Variants in CLVS1 observed in about 807,000 individuals in gnomAD.
CLVS1 encodes the protein clavesin 1, also known as clavesin-1.
In CLVS1, 10 loss-of-function variants were observed where a neutral mutation model predicts 33.1. The ratio of observed to expected loss-of-function variants is 0.30; its 90% confidence interval spans 0.19 to 0.51. The LOEUF (loss-of-function observed/expected upper bound fraction) is 0.51. Ranked by LOEUF, CLVS1 falls within the 20% of genes least tolerant of loss-of-function variation. CLVS1 has a pLI of 0.97. For missense variants in CLVS1, 343 were observed against 433.4 expected, an observed-to-expected ratio of 0.79 and a Z score of 1.85; for synonymous variants, 163 against 166.1, an observed-to-expected ratio of 0.98 and a Z score of 0.14.
rs370414179 is a variant in CLVS1, at chr8:61,458,259, G to A, written c.742-48G>A. ...TGTGTATTAGATGAAATCTTTGGTC[G>A]TATGTTTTGGATTTTGTATTGCTAA... On this transcript the variant is annotated intron_variant, in intron 4 of 5. Transcript: ENST00000325897. The A allele has an allele frequency of 2.3e-5, 31 of 1,354,368 alleles. No individual in the cohort carries two copies. In the African/African-American group the frequency reaches 2.9e-4, roughly 13 times the overall value. The allele number at this position is 1,354,368 out of a possible 1,614,324, so 83.9% of individuals were successfully genotyped here.
chr8:61,118,360 G>A lies in CLVS1; in HGVS notation c.-242-13410G>A, dbSNP rs1382245546. Among the ~76,000 whole-genome samples the A allele has an allele frequency of 6.6e-5, 10 of 151,564 alleles. No homozygotes were observed. The Middle Eastern group carries it at 0.01, about 155-fold the overall frequency. On this transcript the variant is annotated intron_variant, in intron 1 of 2. Coordinates refer to the CLVS1 transcript ENST00000522621. ...ATTAATTTTTTGAAGGGTTTTTTGT[G>A]TCTCTATTTCCTTCAGTTCTGCTCT... is the stretch of plus-strand genomic sequence containing the variant.
At chr8:61,275,870 C>A (rs556669530) in intron 2 of CLVS1, among the ~76,000 whole-genome samples, 3 of 152,076 alleles carry the variant, frequency 2.0e-5, no homozygotes, top group African/African-American at 7.2e-5. Context: ...CTCTCTTAGC[C>A]GTCATGTTGC....
chr8:61,108,434 T>A (rs1246049308), intron 1 of CLVS1, among the ~76,000 whole-genome samples: 1 of 152,210 alleles, frequency 6.6e-6, no homozygotes, highest in Non-Finnish European at 1.5e-5. Context: ...AAGCTCTAAA[T>A]GGCTCCATAG....
intron 3 of CLVS1, among the ~76,000 whole-genome samples, chr8:61,381,776 T>G (rs1813890254): frequency 6.6e-6 from 1 of 152,202 alleles, no homozygotes; most frequent in Non-Finnish European, 1.5e-5. Flanking sequence ...ATTTCATTCT[T>G]TTTTTACAGC....
chr8:61,475,482 G>T (rs183762419), intron 5 of CLVS1, among the ~76,000 whole-genome samples: 2,786 of 152,170 alleles, frequency 0.018, 76 homozygotes, highest in African/African-American at 0.063. Context: ...TTTAATGATC[G>T]CCATTCTAAC....
At chr8:61,005,005 TA>T in the CLVS1 span, among the ~76,000 whole-genome samples, 2 of 152,194 alleles carry the variant, frequency 1.3e-5, no homozygotes, top group South Asian at 4.1e-4. Context: ...ATCCACCTGG[TA>T]ATTAATGAAA....
chr8:61,388,734 A>ATATCAG (rs1261484369), intron 3 of CLVS1, among the ~76,000 whole-genome samples: 1 of 152,176 alleles, frequency 6.6e-6, no homozygotes, highest in African/African-American at 2.4e-5. Context: ...GCTAATTAGC[A>ATATCAG]TATCAGTATC....
At chr8:60,995,824 A>G in the CLVS1 span, among the ~76,000 whole-genome samples, 19 of 152,252 alleles carry the variant, frequency 1.2e-4, no homozygotes, top group Admixed American at 8.5e-4. Context: ...ATGGAATACT[A>G]TGAAGCCATA....
chr8:61,237,423 A>C (rs1808592315), intron 2 of CLVS1, among the ~76,000 whole-genome samples: 1 of 152,188 alleles, frequency 6.6e-6, no homozygotes, highest in South Asian at 2.1e-4. Context: ...ACCCCAGCCA[A>C]GGTGATAGAG....
At chr8:61,490,459 G>T (rs920017943) in intron 5 of CLVS1, among the ~76,000 whole-genome samples, 1 of 151,224 alleles carries the variant, frequency 6.6e-6, no homozygotes, top group Non-Finnish European at 1.5e-5. Flanking sequence ...ACCAGGTCAA[G>T]AGATTGAGAC....
chr8:61,088,787 T>TATTTC (rs1269537733), intron 1 of CLVS1, among the ~76,000 whole-genome samples: 32 of 151,828 alleles, frequency 2.1e-4, no homozygotes, highest in Non-Finnish European at 1.3e-4. Context: ...CAAGCTTTTT[T>TATTTC]TTTTCTTTTC....
chr8:61,449,495 G>A (rs1816877236), intron 3 of CLVS1, among the ~76,000 whole-genome samples: 1 of 152,156 alleles, frequency 6.6e-6, no homozygotes, highest in South Asian at 2.1e-4. Flanking sequence ...GCCTTGCTAG[G>A]GTGAAGATCA....
At position 61,275,547 on chromosome 8, in the gene CLVS1, T is replaced by C. The variant is rs573072884; in HGVS notation, c.-151-24130T>C. ...TCGTTAATATAACACTTCATATATT[T>C]GTGAAACAACAAAAGTATGTTGGAA... is the stretch of plus-strand genomic sequence containing the variant. On this transcript the variant is annotated intron_variant, in intron 2 of 2. Transcript: ENST00000522621. Among the ~76,000 whole-genome samples the C allele has an allele frequency of 4.6e-5, 7 of 152,286 alleles. No individual in the cohort carries two copies. In the South Asian group the frequency reaches 1.4e-3, roughly 32 times the overall value.
intron 1 of CLVS1, among the ~76,000 whole-genome samples, chr8:61,078,078 C>T (rs1183763802): frequency 6.6e-6 from 1 of 152,128 alleles, no homozygotes; most frequent in South Asian, 2.1e-4. Flanking sequence ...AAACAGAGCC[C>T]CAGTGCAGGC....
chr8:61,338,389 C>G (rs1811882814), intron 2 of CLVS1, among the ~76,000 whole-genome samples: 1 of 152,126 alleles, frequency 6.6e-6, no homozygotes, highest in Non-Finnish European at 1.5e-5. Context: ...CCACAGTTAC[C>G]TGAAAACCTC....
chr8:61,324,160 G>A (rs966610835), intron 2 of CLVS1, among the ~76,000 whole-genome samples: 13 of 152,144 alleles, frequency 8.5e-5, no homozygotes, highest in African/African-American at 3.1e-4. Context: ...TATTAATGTG[G>A]TTTGGCACTG....
rs537235311 is a variant in CLVS1, at chr8:61,368,228, C to T, written c.456-8377C>T. 2.4e-4 allele frequency among the ~76,000 whole-genome samples: 36 copies of T among 152,222 alleles called. No individual in the cohort carries two copies. In the South Asian group the frequency reaches 2.7e-3, roughly 11 times the overall value. On this transcript the variant is annotated intron_variant, in intron 2 of 5. Coordinates refer to ENST00000325897, the MANE Select transcript of CLVS1 (RefSeq NM_173519.3). Reference sequence around the variant, plus strand: ...CACAGTGATACATACTCTATTTCTCCGCAGAAACACAAATGAAAAAATATC... The same window carrying T: ...CACAGTGATACATACTCTATTTCTCTGCAGAAACACAAATGAAAAAATATC...
intron 2 of CLVS1, among the ~76,000 whole-genome samples, chr8:61,262,712 T>C (rs969269733): frequency 6.6e-6 from 1 of 152,134 alleles, no homozygotes; most frequent in Non-Finnish European, 1.5e-5. Flanking sequence ...CCTTGACACA[T>C]CACTTCTTGC....
At chr8:61,333,605 G>A (rs183764289) in intron 2 of CLVS1, among the ~76,000 whole-genome samples, 35 of 152,244 alleles carry the variant, frequency 2.3e-4, no homozygotes, top group African/African-American at 8.4e-4. Context: ...CCATTCAAAA[G>A]GATTAGAGCA....
Sources: allele counts gnomAD v4.1 joint callset (sites outside exome capture counted in the v4.1 genomes callset), GRCh38; gene constraint gnomAD v4.1.1; transcripts MANE v1.5; gene names NCBI Gene and HGNC (gene_info 2026-07-23, HGNC 2026-07-21).